TSPAN9: variants seen among roughly 807,000 people sequenced by gnomAD.
TSPAN9 encodes the protein tetraspanin-9.
A neutral mutation model predicts 31.0 loss-of-function variants in TSPAN9; 16 were observed. The observed-to-expected ratio is 0.52, with a 90% CI of 0.35 to 0.78. TSPAN9 has a LOEUF of 0.78. Among genes scored for constraint, TSPAN9 ranks in the 30% least tolerant of loss-of-function variants. The probability of loss-of-function intolerance (pLI) is 0.01; values close to 1 mark genes in which losing one functional copy is unlikely to be tolerated. For missense variants in TSPAN9, 272 were observed against 312.5 expected (o/e 0.87, Z 0.98); for synonymous variants, 145 against 121.6 (o/e 1.19, Z -1.27).
In TSPAN9 at chr12:3,147,610, C is replaced by T. The variant is rs555892515; in HGVS notation, c.-17-53567C>T. Reference sequence around the variant, plus strand: ...ACGATGGAAGTGTTCTGTTCTGTACCGCCCAGTACAGTAGCCACCGGCTAC... The same window carrying T: ...ACGATGGAAGTGTTCTGTTCTGTACTGCCCAGTACAGTAGCCACCGGCTAC... On this transcript the variant is annotated intron_variant, in intron 2 of 8. Transcript: ENST00000011898. The surrounding 1 kb of genome is among the most constrained non-coding windows in gnomAD (Gnocchi z 4.3). 9.9e-5 allele frequency among the ~76,000 whole-genome samples: 15 copies of T among 152,246 alleles called. No homozygotes were observed. Among genetic ancestry groups the T allele is most frequent in the African/African-American group, 3.1e-4 (13 of 41,562 alleles).
chr12:3,221,676 G>C (rs921352349), intron 3 of TSPAN9, among the ~76,000 whole-genome samples: 3 of 151,738 alleles, frequency 2.0e-5, no homozygotes, highest in African/African-American at 7.3e-5. Flanking sequence ...TTTTTTTTGA[G>C]ATAGGGTCTC....
intron 2 of TSPAN9, among the ~76,000 whole-genome samples, chr12:3,098,621 C>G (rs1175974249): frequency 6.6e-6 from 1 of 152,192 alleles, no homozygotes; most frequent in African/African-American, 2.4e-5. Flanking sequence ...CGTATTGTTT[C>G]TGTAATGCCA....
rs1437684756 is a variant in TSPAN9, at chr12:3,226,740, GTGTGTATATATATA to G, written c.63+25486_63+25499del. Among the ~76,000 whole-genome samples, 100 of 13,150 alleles carry G rather than the reference GTGTGTATATATATA, an allele frequency of 7.6e-3. 23 individuals carry two copies. The highest frequency in any genetic ancestry group is 9.0e-3 in the Non-Finnish European group (67 of 7,410). The allele number at this position is 13,150 out of a possible 152,430, so 8.6% of individuals were successfully genotyped here. On this transcript the variant is annotated intron_variant, in intron 3 of 8. Coordinates refer to ENST00000011898, the MANE Select transcript of TSPAN9 (RefSeq NM_006675.5). ...TGTATGTGTGTGTGTGTGTGTGTGT[GTGTGTATATATATA>G]TATATATATATATATATATATATAT... is the stretch of plus-strand genomic sequence containing the variant.
At position 3,283,237 on chromosome 12, in the gene TSPAN9, C is replaced by G; in HGVS notation, c.*121C>G. 1.1e-6 allele frequency: 1 copy of G among 924,004 alleles called. No individual in the cohort carries two copies. The highest frequency in any genetic ancestry group is 1.6e-6 in the Non-Finnish European group (1 of 626,974). 57.2% of individuals were successfully genotyped at this position (924,004 alleles called of 1,614,324 possible). A position where few individuals can be genotyped will look rare whatever the true frequency, so the allele number is the denominator to read the frequency against. On this transcript the variant is annotated 3_prime_UTR_variant, in exon 9 of 9. Transcript: ENST00000011898. ...CCTGCACCCACCCCCCACAGCCTGCCCTACCCCACCTACCCTGCCTCAGCC... is the reference window on the plus strand; with the variant it reads ...CCTGCACCCACCCCCCACAGCCTGCGCTACCCCACCTACCCTGCCTCAGCC...
At chr12:3,278,286 G>A (rs1022842182) in intron 3 of TSPAN9, 135 bp from the exon 4 acceptor site, 9 of 1,276,382 alleles carry the variant, frequency 7.1e-6, no homozygotes, top group African/African-American at 3.0e-5. Flanking sequence ...GCAGCCCAAC[G>A]GTAGTCCCGT....
intron 2 of TSPAN9, among the ~76,000 whole-genome samples, chr12:3,182,505 C>T (rs574028646): frequency 7.2e-4 from 110 of 151,860 alleles, no homozygotes; most frequent in African/African-American, 2.3e-3. Context: ...AAAAGTTGGC[C>T]GGGCTGCAGT....
rs1365603646 is a variant in TSPAN9, at chr12:3,187,754, C to G, written c.-17-13423C>G. 6.6e-6 allele frequency among the ~76,000 whole-genome samples: 1 copy of G among 152,100 alleles called. No individual in the cohort carries two copies. Among genetic ancestry groups the G allele is most frequent in the African/African-American group, 2.4e-5 (1 of 41,406 alleles). ...CGCAGGCCTCTCTCTCCTCTGTCCT[C>G]ATTCTGTTTGGATGCCATGCAAGCC... On this transcript the variant is annotated intron_variant, in intron 2 of 8. Coordinates refer to ENST00000011898, the MANE Select transcript of TSPAN9 (RefSeq NM_006675.5). This position sits in a 1 kb window ranked among gnomAD's most constrained non-coding sequence, Gnocchi z 5.2.
Position 3,286,353 on chromosome 12 carries a change from C to T in TSPAN9, c.*3237C>T, listed in dbSNP as rs61396915. 2.0e-5 allele frequency: 3 copies of T among 152,748 alleles called. No individual in the cohort carries two copies. The highest frequency in any genetic ancestry group is 4.8e-5 in the African/African-American group (2 of 41,566). The allele number at this position is 152,748 out of a possible 1,614,324, so 9.5% of individuals were successfully genotyped here. Reference sequence around the variant, plus strand: ...CTGATTGGGGACTCAGGAGGTGAGGCCTGGGGGGCTTCCTGCCCCCTCCTT... The same window carrying T: ...CTGATTGGGGACTCAGGAGGTGAGGTCTGGGGGGCTTCCTGCCCCCTCCTT... On this transcript the variant is annotated 3_prime_UTR_variant, in exon 9 of 9. Coordinates refer to ENST00000011898, the MANE Select transcript of TSPAN9 (RefSeq NM_006675.5). The surrounding 1 kb of genome is among the most constrained non-coding windows in gnomAD (Gnocchi z 4.1).
intron 2 of TSPAN9, among the ~76,000 whole-genome samples, chr12:3,102,777 G>C (rs750898774): frequency 6.6e-6 from 1 of 152,198 alleles, no homozygotes; most frequent in Non-Finnish European, 1.5e-5. Flanking sequence ...GCACAGCATG[G>C]TGACTACAGT....
intron 2 of TSPAN9, among the ~76,000 whole-genome samples, chr12:3,196,096 C>T (rs1004279592): frequency 3.3e-5 from 5 of 152,200 alleles, no homozygotes; most frequent in African/African-American, 1.2e-4. Context: ...TGTTCCGCGT[C>T]CTCTTATCTT....
At chr12:3,202,897 T>C (rs1245037542) in intron 3 of TSPAN9, among the ~76,000 whole-genome samples, 3 of 152,226 alleles carry the variant, frequency 2.0e-5, no homozygotes, top group Non-Finnish European at 4.4e-5. Flanking sequence ...TCTGGCTGCC[T>C]TGTGGGCCAG....
chr12:3,257,125 A>G (rs900794931), intron 3 of TSPAN9, among the ~76,000 whole-genome samples: 2 of 152,120 alleles, frequency 1.3e-5, no homozygotes, highest in Admixed American at 6.5e-5. Flanking sequence ...CCAACCTTAT[A>G]GGCAAGAGCA....
intron 3 of TSPAN9, among the ~76,000 whole-genome samples, chr12:3,213,940 T>TGCAGCTCTTCTTGGAAGATGCATGC (rs1402975594): frequency 6.6e-6 from 1 of 152,216 alleles, no homozygotes; most frequent in Non-Finnish European, 1.5e-5. Context: ...AATGCAGGTG[T>TGCAGCTCTTCTTGGAAGATGCATGC]GCAGCTCTTC....
intron 2 of TSPAN9, among the ~76,000 whole-genome samples, chr12:3,179,082 A>T (rs147604086): frequency 6.6e-6 from 1 of 152,096 alleles, no homozygotes; most frequent in African/African-American, 2.4e-5. Flanking sequence ...TCCTCTGTCA[A>T]TGTTGGCATT....
rs1449734456 is a variant in TSPAN9, at chr12:3,192,956, C to T, written c.-17-8221C>T. On this transcript the variant is annotated intron_variant, in intron 2 of 8. Coordinates refer to ENST00000011898, the MANE Select transcript of TSPAN9 (RefSeq NM_006675.5). The surrounding 1 kb of genome is among the most constrained non-coding windows in gnomAD (Gnocchi z 4.6). Reference sequence around the variant, plus strand: ...TTGTTGGGAATGATAATAGTGCCTCCATCCATTGAACAGCTTCTGTGTTCC... The same window carrying T: ...TTGTTGGGAATGATAATAGTGCCTCTATCCATTGAACAGCTTCTGTGTTCC... 1.3e-5 allele frequency among the ~76,000 whole-genome samples: 2 copies of T among 152,204 alleles called. No individual in the cohort carries two copies. Among genetic ancestry groups the T allele is most frequent in the South Asian group, 2.1e-4 (1 of 4,834 alleles).
chr12:3,097,234 G>A (rs558342859), intron 2 of TSPAN9, among the ~76,000 whole-genome samples: 1 of 152,234 alleles, frequency 6.6e-6, no homozygotes, highest in Non-Finnish European at 1.5e-5. Context: ...TTCCGTCTTC[G>A]TCAGCTCGAC....
intron 3 of TSPAN9, among the ~76,000 whole-genome samples, chr12:3,217,829 G>A (rs2098382140): frequency 1.3e-5 from 2 of 151,942 alleles, no homozygotes; most frequent in African/African-American, 2.4e-5. Flanking sequence ...TCTAGGGATG[G>A]GTGAGCTTGC....
At chr12:3,216,642 C>T (rs1024050205) in intron 3 of TSPAN9, among the ~76,000 whole-genome samples, 11 of 152,224 alleles carry the variant, frequency 7.2e-5, no homozygotes, top group Admixed American at 5.2e-4. Flanking sequence ...CACTGGAACC[C>T]GGAGTGGCCC....
chr12:3,119,298 T>C (rs960629079), intron 2 of TSPAN9, among the ~76,000 whole-genome samples: 9 of 152,148 alleles, frequency 5.9e-5, no homozygotes, highest in Non-Finnish European at 4.4e-5. Flanking sequence ...CATCTACTTA[T>C]AGGTGAGAAA....
Sources: allele counts gnomAD v4.1 joint callset (sites outside exome capture counted in the v4.1 genomes callset), GRCh38; gene constraint gnomAD v4.1.1; non-coding constraint Gnocchi (gnomAD v3.1); transcripts MANE v1.5; gene names NCBI Gene and HGNC (gene_info 2026-07-23, HGNC 2026-07-21).